Variants in SLC2A9 observed in about 807,000 individuals in gnomAD.
The protein encoded by SLC2A9 is solute carrier family 2 member 9.
In SLC2A9, 39 loss-of-function variants were observed where a neutral mutation model predicts 50.6. The observed-to-expected ratio is 0.77, with a 90% CI of 0.60 to 1.01. The LOEUF (loss-of-function observed/expected upper bound fraction) is 1.01, where lower values mean the gene tolerates loss of function less well. SLC2A9 is among the 50% of genes least tolerant of loss of function. The probability of loss-of-function intolerance (pLI) is 0.00; values close to 1 mark genes in which losing one functional copy is unlikely to be tolerated. For synonymous variants in SLC2A9, 324 were observed against 276.9 expected (o/e 1.17, Z -1.69); for missense variants, 686 against 677.6 (o/e 1.01, Z -0.14).
chr4:9,882,626 G>A (rs368570903), intron 10 of SLC2A9, among the ~76,000 whole-genome samples: 2 of 150,848 alleles, frequency 1.3e-5, no homozygotes, highest in Non-Finnish European at 3.0e-5. Context: ...GGAGAATGGC[G>A]TGAACCCGGG....
chr4:10,014,300 G>T (rs968241126), intron 2 of SLC2A9, among the ~76,000 whole-genome samples: 7 of 152,186 alleles, frequency 4.6e-5, no homozygotes, highest in African/African-American at 1.4e-4. Flanking sequence ...CCTCACAAGG[G>T]GCTCGACACC....
chr4:9,807,709 A>C (rs192088920), intron 3 of SLC2A9, among the ~76,000 whole-genome samples: 1 of 152,210 alleles, frequency 6.6e-6, no homozygotes, highest in Non-Finnish European at 1.5e-5. Flanking sequence ...AGGTTACCCC[A>C]TGTGGACCTT....
intron 5 of SLC2A9, among the ~76,000 whole-genome samples, chr4:9,953,044 T>C (rs539095000): frequency 2.6e-5 from 4 of 152,346 alleles, no homozygotes; most frequent in South Asian, 4.1e-4. Flanking sequence ...CATACACTTG[T>C]GATTTTAATG....
chr4:9,822,382 T>A (rs954089779), downstream of SLC2A9, among the ~76,000 whole-genome samples: 1 of 152,162 alleles, frequency 6.6e-6, no homozygotes, highest in Admixed American at 6.5e-5. Flanking sequence ...AAGGTGAAAT[T>A]TTATATTAAT....
chr4:9,886,933 C>T (rs1736377580), intron 10 of SLC2A9, among the ~76,000 whole-genome samples: 1 of 152,212 alleles, frequency 6.6e-6, no homozygotes, highest in African/African-American at 2.4e-5. Context: ...CTCCTACTGA[C>T]CCATGGCTAG....
At chr4:9,909,095 C>T (rs925572021) in intron 7 of SLC2A9, among the ~76,000 whole-genome samples, 2 of 152,332 alleles carry the variant, frequency 1.3e-5, no homozygotes, top group South Asian at 2.1e-4. Flanking sequence ...AGTAAATCCA[C>T]AATGCATACA....
intron 2 of SLC2A9, among the ~76,000 whole-genome samples, chr4:9,997,711 G>A (rs10008035): frequency 1.3e-5 from 2 of 151,040 alleles, no homozygotes; most frequent in Non-Finnish European, 2.9e-5. Context: ...AAAGAAAAGT[G>A]GGGGGGCACA....
chr4:9,954,009 T>C (rs1037478571), intron 5 of SLC2A9, among the ~76,000 whole-genome samples: 3 of 152,108 alleles, frequency 2.0e-5, no homozygotes, highest in African/African-American at 7.2e-5. Flanking sequence ...GGGTTTCTCC[T>C]TGTTGGTCAG....
chr4:9,830,205 C>G (rs544975078), intron 11 of SLC2A9, among the ~76,000 whole-genome samples: 1 of 152,300 alleles, frequency 6.6e-6, no homozygotes, highest in Admixed American at 6.5e-5. Context: ...GAGATCAAGT[C>G]CTTTGCAGTG....
At chr4:10,034,919 T>C (rs1240306771) in intron 1 of SLC2A9, 3 of 152,220 alleles carry the variant, frequency 2.0e-5, no homozygotes, top group Non-Finnish European at 4.4e-5. Flanking sequence ...GTTTTCTTTG[T>C]ACCTGGACAT....
At chr4:9,911,005 G>GTT (rs1741658227) in intron 7 of SLC2A9, among the ~76,000 whole-genome samples, 1 of 151,624 alleles carries the variant, frequency 6.6e-6, no homozygotes, top group Non-Finnish European at 1.5e-5. Context: ...TTGGGGTGTG[G>GTT]GGGGGCTAGA....
intron 8 of SLC2A9, among the ~76,000 whole-genome samples, chr4:9,903,261 T>G (rs1303812823): frequency 1.2e-5 from 1 of 84,568 alleles, no homozygotes; most frequent in Admixed American, 1.2e-4. Flanking sequence ...ACCATAAGGA[T>G]TTTTTTTTTT....
chr4:9,950,958 A>G (rs1750140895), intron 5 of SLC2A9, among the ~76,000 whole-genome samples: 1 of 151,956 alleles, frequency 6.6e-6, no homozygotes, highest in Admixed American at 6.6e-5. Flanking sequence ...CTAAAAATAC[A>G]ATTACCATTC....
intron 3 of SLC2A9, chr4:9,783,114 A>T: frequency 6.2e-7 from 1 of 1,614,198 alleles, no homozygotes; most frequent in Non-Finnish European, 8.5e-7. Flanking sequence ...TATGCCTTCA[A>T]CGCCGACTTT....
downstream of SLC2A9, among the ~76,000 whole-genome samples, chr4:9,777,934 A>T (rs1577242311): frequency 6.6e-6 from 1 of 152,344 alleles, no homozygotes; most frequent in East Asian, 1.9e-4. Context: ...TGCTTTGTAC[A>T]ACTTATAAAA....
chr4:9,962,429 G>T (rs996728733), intron 5 of SLC2A9, among the ~76,000 whole-genome samples: 1 of 152,156 alleles, frequency 6.6e-6, no homozygotes, highest in Non-Finnish European at 1.5e-5. Flanking sequence ...GACATGGATG[G>T]AGCTGGAAGC....
intron 5 of SLC2A9, among the ~76,000 whole-genome samples, chr4:9,971,134 G>A (rs959677549): frequency 6.6e-6 from 1 of 152,146 alleles, no homozygotes; most frequent in African/African-American, 2.4e-5. Flanking sequence ...GCTGAATAAA[G>A]CCCTTCCTTC....
At chr4:10,032,619 C>T (rs1278463374) in intron 1 of SLC2A9, among the ~76,000 whole-genome samples, 2 of 152,094 alleles carry the variant, frequency 1.3e-5, no homozygotes, top group Admixed American at 1.3e-4. Flanking sequence ...CATACCAAGT[C>T]AAGTCTACTA....
intron 6 of SLC2A9, among the ~76,000 whole-genome samples, chr4:9,933,540 T>C (rs537645125): frequency 6.6e-6 from 1 of 152,372 alleles, no homozygotes; most frequent in African/African-American, 2.4e-5. Flanking sequence ...CTCTGTGACC[T>C]TGACATTTCC....
Sources: gnomAD v4.1 joint callset for allele counts (sites outside exome capture counted in the v4.1 genomes callset) on GRCh38, gnomAD v4.1.1 for gene constraint, MANE v1.5 for transcripts, NCBI Gene and HGNC (gene_info 2026-07-23, HGNC 2026-07-21) for gene names.